NRP1: variants seen among roughly 807,000 people sequenced by gnomAD.
NRP1 encodes the protein neuropilin 1, also known as neuropilin-1.
NRP1 carries 35 observed loss-of-function variants against 106.7 expected under a neutral mutation model. The observed-to-expected ratio is 0.33, with a 90% CI of 0.25 to 0.43. The LOEUF (loss-of-function observed/expected upper bound fraction) is 0.43, where lower values mean the gene tolerates loss of function less well. NRP1 is among the 20% of genes least tolerant of loss of function. The pLI, the probability that NRP1 is intolerant of heterozygous loss-of-function variation, is 1.00. For synonymous variants in NRP1, 437 were observed against 417.9 expected (o/e 1.05, Z -0.56); for missense variants, 1,024 against 1,170.4 (o/e 0.87, Z 1.83).
chr10:33,226,423 A>G, intron 6 of NRP1, 134 bp from the exon 7 acceptor site: 1 of 792,488 alleles, frequency 1.3e-6, no homozygotes, highest in Non-Finnish European at 2.0e-6. Flanking sequence ...TCGGGTGTCC[A>G]CAGTCCCTGA....
chr10:33,266,190 AG>A (rs1404264433), intron 3 of NRP1, among the ~76,000 whole-genome samples: 2 of 152,224 alleles, frequency 1.3e-5, no homozygotes, highest in Non-Finnish European at 2.9e-5. Flanking sequence ...ACAGGAATTA[AG>A]GTCATACTTT....
chr10:33,272,154 T>G (rs1009348034), intron 2 of NRP1, among the ~76,000 whole-genome samples: 2 of 152,206 alleles, frequency 1.3e-5, no homozygotes, highest in Non-Finnish European at 2.9e-5. Flanking sequence ...TTACATAAAG[T>G]CTCAGGAGAC....
chr10:33,244,818 C>T (rs1171326136), intron 6 of NRP1, among the ~76,000 whole-genome samples: 2 of 152,140 alleles, frequency 1.3e-5, no homozygotes, highest in African/African-American at 2.4e-5. Flanking sequence ...TGACATACAA[C>T]GTTCATGTGT....
At chr10:33,259,696 A>G (rs916266131) in intron 4 of NRP1, among the ~76,000 whole-genome samples, 4 of 152,212 alleles carry the variant, frequency 2.6e-5, no homozygotes, top group Non-Finnish European at 4.4e-5. Flanking sequence ...GTTTAAAGAT[A>G]TGCCTACAAC....
intron 2 of NRP1, among the ~76,000 whole-genome samples, chr10:33,327,451 G>T (rs1847968183): frequency 6.6e-6 from 1 of 152,070 alleles, no homozygotes; most frequent in Non-Finnish European, 1.5e-5. Context: ...TGAATAGTTT[G>T]TTCTTAACAA....
chr10:33,284,504 A>G (rs1287877482), intron 2 of NRP1, among the ~76,000 whole-genome samples: 1 of 152,238 alleles, frequency 6.6e-6, no homozygotes, highest in African/African-American at 2.4e-5. Flanking sequence ...GAAACTTATT[A>G]AAAACATTAC....
intron 13 of NRP1, among the ~76,000 whole-genome samples, chr10:33,190,262 T>C (rs1201560219): frequency 6.6e-6 from 1 of 152,254 alleles, no homozygotes; most frequent in Non-Finnish European, 1.5e-5. Context: ...CAGATCCTAC[T>C]GAGCCATTTT....
chr10:33,204,978 C>A (rs952573500), intron 10 of NRP1, among the ~76,000 whole-genome samples: 1 of 152,146 alleles, frequency 6.6e-6, no homozygotes, highest in African/African-American at 2.4e-5. Flanking sequence ...GTGATCTGCC[C>A]GCCTTGGCCT....
intron 6 of NRP1, among the ~76,000 whole-genome samples, chr10:33,236,964 G>C (rs1415191925): frequency 6.6e-6 from 1 of 152,116 alleles, no homozygotes; most frequent in East Asian, 1.9e-4. Flanking sequence ...GCGCAATTAA[G>C]ACCTTTTTTT....
intron 2 of NRP1, among the ~76,000 whole-genome samples, chr10:33,314,072 CTCCCTCCCTCCT>C (rs1370233262): frequency 6.7e-6 from 1 of 148,870 alleles, no homozygotes; most frequent in East Asian, 2.0e-4. Context: ...CCCTCCCTCC[CTCCCTCCCTCCT>C]CTCTCTCTCT....
chr10:33,192,339 G>A lies in NRP1; in HGVS notation c.2004C>T (p.His668=), dbSNP rs200822773. ...TCAACACACTCCACTTGAGCTGCAC[G>A]TGATTGTCATGTTCCCAGTGGCAGA... is the stretch of plus-strand genomic sequence containing the variant. The part of the protein sequence containing the change: ...KTFCHWEHDN[H]VQLKWSVLTS... The change falls in exon 13 of 17, where the codon CAC becomes CAT. Residue 668 remains histidine, a synonymous_variant. Coordinates refer to ENST00000374867, the MANE Select transcript of NRP1 (RefSeq NM_003873.7). 8.1e-6 allele frequency: 13 copies of A among 1,613,866 alleles called. No homozygotes were observed. Among genetic ancestry groups the A allele is most frequent in the South Asian group, 6.6e-5 (6 of 91,064 alleles).
At chr10:33,238,426 G>C (rs376576630) in intron 6 of NRP1, among the ~76,000 whole-genome samples, 2 of 152,218 alleles carry the variant, frequency 1.3e-5, no homozygotes, top group East Asian at 3.8e-4. Flanking sequence ...CCAGTGTGGA[G>C]AGAACTTCAT....
At chr10:33,324,411 T>C (rs1484916038) in intron 2 of NRP1, among the ~76,000 whole-genome samples, 1 of 152,086 alleles carries the variant, frequency 6.6e-6, no homozygotes, top group Non-Finnish European at 1.5e-5. Flanking sequence ...TGAAGAAAAA[T>C]ACGGCAAAGG....
chr10:33,292,837 A>G (rs1454896702), intron 2 of NRP1, among the ~76,000 whole-genome samples: 2 of 152,030 alleles, frequency 1.3e-5, no homozygotes, highest in Non-Finnish European at 2.9e-5. Context: ...AAAATACAAA[A>G]ATTAGCTGGG....
intron 5 of NRP1, among the ~76,000 whole-genome samples, chr10:33,254,662 G>A (rs1842082363): frequency 6.6e-6 from 1 of 152,162 alleles, no homozygotes; most frequent in East Asian, 1.9e-4. Context: ...TTAACTCCCT[G>A]TCTTTCAGAT....
intron 2 of NRP1, among the ~76,000 whole-genome samples, chr10:33,327,066 A>G (rs573105680): frequency 6.6e-6 from 1 of 152,222 alleles, no homozygotes. Flanking sequence ...GATGTTTCAC[A>G]ATAAGCAAAT....
At chr10:33,224,727 C>T (rs993835123) in intron 7 of NRP1, among the ~76,000 whole-genome samples, 4 of 152,066 alleles carry the variant, frequency 2.6e-5, no homozygotes, top group South Asian at 2.1e-4. Flanking sequence ...CCACATACCC[C>T]GCTACCGACA....
chr10:33,227,942 T>C (rs1839801087), intron 6 of NRP1, among the ~76,000 whole-genome samples: 1 of 149,628 alleles, frequency 6.7e-6, no homozygotes, highest in African/African-American at 2.5e-5. Context: ...TCATAATGTG[T>C]TAGATGTTTC....
intron 11 of NRP1, chr10:33,202,606 T>G: frequency 6.7e-7 from 1 of 1,499,400 alleles, no homozygotes; most frequent in Non-Finnish European, 8.9e-7. Context: ...AGGATCGGTT[T>G]AGTACATTTA....
Sources: allele counts gnomAD v4.1 joint callset (sites outside exome capture counted in the v4.1 genomes callset), GRCh38; gene constraint gnomAD v4.1.1; transcripts MANE v1.5; gene names NCBI Gene and HGNC (gene_info 2026-07-23, HGNC 2026-07-21).